The following LINGO2 variants were observed in gnomAD, a reference collection of about 807,000 sequenced individuals.
LINGO2 encodes leucine rich repeat and Ig domain containing 2.
In LINGO2, 14 loss-of-function variants were observed where a neutral mutation model predicts 30.6. The observed-to-expected ratio is 0.46, with a 90% CI of 0.30 to 0.72. The LOEUF (loss-of-function observed/expected upper bound fraction) is 0.72. Ranked by LOEUF, LINGO2 falls within the 30% of genes least tolerant of loss-of-function variation. The pLI is 0.07. For synonymous variants in LINGO2, 317 were observed against 288.5 expected (o/e 1.10, Z -1.00); for missense variants, 729 against 751.7 (o/e 0.97, Z 0.35).
chr9:28,349,604 A>G (rs12552929), intron 3 of LINGO2, among the ~76,000 whole-genome samples: 4,635 of 137,106 alleles, frequency 0.034, 91 homozygotes, highest in East Asian at 0.082. Context: ...AACTTCCCCA[A>G]TCTAGCAAGG....
intron 5 of LINGO2, among the ~76,000 whole-genome samples, chr9:27,970,971 T>C (rs1226407814): frequency 6.6e-6 from 1 of 151,190 alleles, no homozygotes; most frequent in East Asian, 1.9e-4. Flanking sequence ...AGTTTCCCAA[T>C]GTCAAGGATA....
the LINGO2 span, among the ~76,000 whole-genome samples, chr9:28,838,730 G>A: frequency 1.9e-4 from 29 of 152,292 alleles, no homozygotes; most frequent in South Asian, 5.0e-3. Flanking sequence ...GGCCAGTGGC[G>A]CCTTTGCCTG....
At chr9:28,000,305 C>T (rs1429582659) in intron 5 of LINGO2, among the ~76,000 whole-genome samples, 1 of 152,048 alleles carries the variant, frequency 6.6e-6, no homozygotes, top group African/African-American at 2.4e-5. Flanking sequence ...GCTAGCTTTA[C>T]TGGGAAGACT....
chr9:28,007,040 G>C (rs1416322972), intron 5 of LINGO2, among the ~76,000 whole-genome samples: 1 of 152,148 alleles, frequency 6.6e-6, no homozygotes, highest in East Asian at 1.9e-4. Context: ...GGGCAATCTT[G>C]TGTTTCACTA....
At chr9:29,182,652 T>C in the LINGO2 span, among the ~76,000 whole-genome samples, 4 of 151,528 alleles carry the variant, frequency 2.6e-5, no homozygotes, top group Non-Finnish European at 5.9e-5. Flanking sequence ...ATTCCACCTG[T>C]TAGCCAAGGA....
At chr9:28,354,261 T>C (rs573486958) in intron 3 of LINGO2, among the ~76,000 whole-genome samples, 4 of 152,316 alleles carry the variant, frequency 2.6e-5, no homozygotes, top group Middle Eastern at 3.4e-3. Context: ...ACCAGTAGGT[T>C]TGGGAAAGAT....
the LINGO2 span, among the ~76,000 whole-genome samples, chr9:28,802,059 AAATAT>A: frequency 6.6e-6 from 1 of 151,790 alleles, no homozygotes; most frequent in Non-Finnish European, 1.5e-5. Flanking sequence ...GTAAATTTTA[AAATAT>A]AATAGATTTT....
At chr9:29,163,464 T>A in the LINGO2 span, among the ~76,000 whole-genome samples, 1 of 152,164 alleles carries the variant, frequency 6.6e-6, no homozygotes, top group East Asian at 1.9e-4. Flanking sequence ...GAGATTAGAG[T>A]CTAATAATAC....
intron 4 of LINGO2, among the ~76,000 whole-genome samples, chr9:28,193,439 G>A (rs1484437883): frequency 6.6e-6 from 1 of 151,930 alleles, no homozygotes; most frequent in Non-Finnish European, 1.5e-5. Flanking sequence ...TAAGCACTAA[G>A]TATAAATATA....
the LINGO2 span, among the ~76,000 whole-genome samples, chr9:28,755,614 A>T: frequency 6.6e-6 from 1 of 152,108 alleles, no homozygotes; most frequent in Non-Finnish European, 1.5e-5. Flanking sequence ...TATAGGAAGG[A>T]AGAAATGATG....
chr9:28,294,066 A>C (rs972398867), intron 4 of LINGO2, among the ~76,000 whole-genome samples: 3 of 152,308 alleles, frequency 2.0e-5, no homozygotes, highest in Admixed American at 1.3e-4. Context: ...TATTTCAAAA[A>C]ATTTTTAAAT....
the LINGO2 span, among the ~76,000 whole-genome samples, chr9:29,104,453 C>A: frequency 1.3e-5 from 2 of 152,122 alleles, no homozygotes; most frequent in Admixed American, 6.5e-5. Flanking sequence ...TTTCCTGAGG[C>A]CTCCCAGCCA....
At chr9:28,634,416 A>C (rs561326397) in intron 1 of LINGO2, among the ~76,000 whole-genome samples, 3 of 151,680 alleles carry the variant, frequency 2.0e-5, no homozygotes, top group Non-Finnish European at 4.4e-5. Flanking sequence ...TTCCTTTACG[A>C]AACAGAATCT....
the LINGO2 span, among the ~76,000 whole-genome samples, chr9:28,709,308 G>T: frequency 6.6e-6 from 1 of 152,152 alleles, no homozygotes. Context: ...TTTTAGTTTA[G>T]TGTGTTTTCA....
At chr9:28,083,009 CTT>C (rs1825815025) in intron 4 of LINGO2, among the ~76,000 whole-genome samples, 1 of 152,196 alleles carries the variant, frequency 6.6e-6, no homozygotes, top group South Asian at 2.1e-4. Context: ...TTACCTCTGT[CTT>C]TGCACCAGTC....
intron 3 of LINGO2, among the ~76,000 whole-genome samples, chr9:28,326,870 C>T (rs931893212): frequency 6.6e-6 from 1 of 152,124 alleles, no homozygotes; most frequent in African/African-American, 2.4e-5. Context: ...CCCCTGGACA[C>T]ATAAATACCA....
At chr9:29,008,451 A>G in the LINGO2 span, among the ~76,000 whole-genome samples, 2 of 152,156 alleles carry the variant, frequency 1.3e-5, no homozygotes, top group Non-Finnish European at 2.9e-5. Flanking sequence ...CAGTAATGGG[A>G]TGGCTGGGTC....
the LINGO2 span, among the ~76,000 whole-genome samples, chr9:28,994,938 C>G: frequency 6.6e-6 from 1 of 152,122 alleles, no homozygotes; most frequent in East Asian, 1.9e-4. Flanking sequence ...CTAGACAGTA[C>G]CATTCAGGAC....
the LINGO2 span, among the ~76,000 whole-genome samples, chr9:28,714,264 T>C: frequency 6.6e-6 from 1 of 151,190 alleles, no homozygotes; most frequent in African/African-American, 2.4e-5. Flanking sequence ...TAACATCTTC[T>C]ACATCTCAAC....
Sources: allele counts gnomAD v4.1 joint callset (sites outside exome capture counted in the v4.1 genomes callset), GRCh38; gene constraint gnomAD v4.1.1; transcripts MANE v1.5; gene names NCBI Gene and HGNC (gene_info 2026-07-23, HGNC 2026-07-21).